Variants in MGA observed in about 807,000 individuals in gnomAD.
MGA encodes the protein MAX dimerization protein MGA, also known as MAX gene-associated protein.
A neutral mutation model predicts 261.1 loss-of-function variants in MGA; 40 were observed. That is an observed-to-expected ratio of 0.15 (90% CI 0.12 to 0.20). The LOEUF is 0.20. MGA is among the 10% of genes least tolerant of loss of function. MGA has a pLI of 1.00. For missense variants in MGA, 3,397 were observed against 3,630.5 expected (o/e 0.94, Z 1.65); for synonymous variants, 1,302 against 1,290.6 (o/e 1.01, Z -0.19).
At chr15:41,671,119 G>A (rs1316168385) in intron 2 of MGA, among the ~76,000 whole-genome samples, 1 of 152,146 alleles carries the variant, frequency 6.6e-6, no homozygotes, top group East Asian at 1.9e-4. Context: ...GTCCTCCTCA[G>A]ATACAGAAAG....
intron 2 of MGA, among the ~76,000 whole-genome samples, chr15:41,682,819 T>C (rs1286173387): frequency 2.0e-5 from 3 of 152,192 alleles, no homozygotes; most frequent in Admixed American, 6.5e-5. Flanking sequence ...TTAAGCTGTC[T>C]TTACTGGTTT....
intron 11 of MGA, among the ~76,000 whole-genome samples, chr15:41,732,185 G>A (rs2061543691): frequency 7.1e-6 from 1 of 140,846 alleles, no homozygotes; most frequent in Non-Finnish European, 1.5e-5. Flanking sequence ...TTCTCGCTCT[G>A]TCCCCCAGGC....
intron 1 of MGA, among the ~76,000 whole-genome samples, chr15:41,642,722 C>A (rs2056848894): frequency 6.6e-6 from 1 of 152,130 alleles, no homozygotes. Flanking sequence ...ATTCCCCCTG[C>A]CTTAGCCTCC....
chr15:41,711,778 C>G (rs1399096477), intron 8 of MGA, among the ~76,000 whole-genome samples: 1 of 152,146 alleles, frequency 6.6e-6, no homozygotes, highest in Non-Finnish European at 1.5e-5. Context: ...TCACTGCAAC[C>G]TCCGCCTCCT....
rs376715603 is a variant in MGA at position 41,736,403 on chromosome 15, G to A, written c.4139G>A (p.Arg1380Gln). 3.7e-5 allele frequency: 60 copies of A among 1,613,886 alleles called. No individual in the cohort carries two copies. The highest frequency in any genetic ancestry group is 1.2e-4 in the South Asian group (11 of 91,082). ...TTCATCATTGAGTTGGCTTCTCAGC[G>A]AAAGAGCCGGGGTGAGAAGAACCCT... Residue 1380 changes from arginine to glutamine, a missense_variant, in exon 13 of 24, where the codon CGA becomes CAA. Physicochemically the swap from Arg to Gln is conservative, Grantham distance 43. This residue lies in a region of MGA where 1,410 missense variants were observed against 1,386.4 expected (regional missense o/e 1.02). Coordinates refer to ENST00000219905, the MANE Select transcript of MGA (RefSeq NM_001164273.2).
intron 1 of MGA, among the ~76,000 whole-genome samples, chr15:41,621,999 A>G (rs1008093841): frequency 1.7e-4 from 21 of 125,298 alleles, no homozygotes; most frequent in Non-Finnish European, 3.2e-5. Flanking sequence ...TGAAGGTCAC[A>G]TGACGAGGTT....
Position 41,696,114 on chromosome 15 carries a change from C to T in MGA, c.1104C>T (p.Ala368=), listed in dbSNP as rs923584221. The T allele has an allele frequency of 1.2e-6, 2 of 1,613,586 alleles. No homozygotes were observed. Among genetic ancestry groups the T allele is most frequent in the Non-Finnish European group, 8.5e-7 (1 of 1,179,766 alleles). ...GTTTTGAAGATGACTCCCGTGTAGC[C>T]TCACCGTTAGACCAGAACGGAAGCT... Residue 368 remains alanine, a synonymous_variant, in exon 3 of 24, where the codon GCC becomes GCT. Transcript: ENST00000219905.
At chr15:41,671,544 G>T (rs2058061439) in intron 2 of MGA, among the ~76,000 whole-genome samples, 1 of 151,958 alleles carries the variant, frequency 6.6e-6, no homozygotes, top group Non-Finnish European at 1.5e-5. Context: ...GGCCAGGCTG[G>T]TCTCAAACTC....
intron 15 of MGA, among the ~76,000 whole-genome samples, chr15:41,747,737 C>G (rs981074234): frequency 1.3e-5 from 2 of 152,112 alleles, no homozygotes; most frequent in African/African-American, 4.8e-5. Context: ...TGAATGATCC[C>G]TTTAACAGGA....
intron 2 of MGA, among the ~76,000 whole-genome samples, chr15:41,695,426 A>T (rs146380455): frequency 0.033 from 5,018 of 152,188 alleles, 141 homozygotes; most frequent in South Asian, 0.07. Context: ...TGACCTTGTG[A>T]TCCGCCTGCC....
At position 41,640,831 on chromosome 15, in the gene MGA, A is replaced by G. The variant is rs575773655; in HGVS notation, c.-68+19533A>G. Among the ~76,000 whole-genome samples, 5 of 152,274 alleles carry G rather than the reference A, an allele frequency of 3.3e-5. No individual in the cohort carries two copies. The East Asian group carries it at 7.7e-4, about 24-fold the overall frequency. ...TGCGCCTGCCCTCCTCTTAGTTTTT[A>G]AAGTTTTGAGATAAAATTAATGTAC... On this transcript the variant is annotated intron_variant, in intron 1 of 8. Coordinates refer to the MGA transcript ENST00000566718.
intron 18 of MGA, among the ~76,000 whole-genome samples, chr15:41,757,173 C>T (rs1165065641): frequency 1.3e-5 from 2 of 152,110 alleles, no homozygotes; most frequent in Non-Finnish European, 2.9e-5. Context: ...ACGCTTGGTC[C>T]TCCTTCACGG....
At chr15:41,748,981 G>T (rs1802552453) in intron 16 of MGA, 54 bp downstream of exon 16, 2 of 1,578,614 alleles carry the variant, frequency 1.3e-6, no homozygotes, top group African/African-American at 2.7e-5. Context: ...TGGCCATATG[G>T]TATGTTAATA....
chr15:41,704,558 T>C (rs1414595156), intron 5 of MGA, among the ~76,000 whole-genome samples: 2 of 152,142 alleles, frequency 1.3e-5, no homozygotes, highest in African/African-American at 2.4e-5. Flanking sequence ...CTGGGGAGGC[T>C]GAAGCAGGAG....
chr15:41,656,344 T>TTCTCTC (rs59370765), upstream of MGA, among the ~76,000 whole-genome samples: 560 of 60,028 alleles, frequency 9.3e-3, 58 homozygotes, highest in African/African-American at 0.025. Flanking sequence ...CTCTCCTCTC[T>TTCTCTC]TCTCTCTCTC....
chr15:41,662,416 T>G (rs1385106667), intron 1 of MGA, among the ~76,000 whole-genome samples: 2 of 152,226 alleles, frequency 1.3e-5, no homozygotes, highest in African/African-American at 4.8e-5. Context: ...GGCAGTACTC[T>G]CTTACGCAGG....
chr15:41,711,378 A>G, intron 8 of MGA, 29 bp downstream of exon 8: 2 of 1,548,780 alleles, frequency 1.3e-6, no homozygotes, highest in Non-Finnish European at 8.7e-7. Context: ...CTGGAGGTAT[A>G]TTAGTGCTTG....
chr15:41,703,254 T>C (rs2059937566), intron 5 of MGA, among the ~76,000 whole-genome samples: 2 of 152,132 alleles, frequency 1.3e-5, no homozygotes, highest in Admixed American at 1.3e-4. Flanking sequence ...TGTCCCTCAG[T>C]TGAGACTTAT....
chr15:41,681,357 C>T (rs948650049), intron 2 of MGA, among the ~76,000 whole-genome samples: 1 of 150,066 alleles, frequency 6.7e-6, no homozygotes, highest in African/African-American at 2.4e-5. Flanking sequence ...AATATATGGG[C>T]CGTTTAGTTG....
Sources: gnomAD v4.1 joint callset for allele counts (sites outside exome capture counted in the v4.1 genomes callset) on GRCh38, gnomAD v4.1.1 for gene constraint, gnomAD v4.1.1 regional missense constraint, MANE v1.5 for transcripts, NCBI Gene and HGNC (gene_info 2026-07-23, HGNC 2026-07-21) for gene names.